Variants in SPECC1 observed in about 807,000 individuals in gnomAD.
SPECC1 encodes cytospin-B.
SPECC1 carries 62 observed loss-of-function variants against 104.1 expected under a neutral mutation model. The ratio of observed to expected loss-of-function variants is 0.60; its 90% CI spans 0.49 to 0.74. The LOEUF (loss-of-function observed/expected upper bound fraction) is 0.74, where lower values mean the gene tolerates loss of function less well. SPECC1 is among the 30% of genes least tolerant of loss of function. The pLI is 0.00. For missense variants in SPECC1, 1,306 were observed against 1,310.5 expected, an observed-to-expected ratio of 1.00 and a Z score of 0.05; for synonymous variants, 513 against 501.6, an observed-to-expected ratio of 1.02 and a Z score of -0.30.
At chr17:20,095,250 C>A (rs1034296125) in intron 1 of SPECC1, among the ~76,000 whole-genome samples, 5 of 152,128 alleles carry the variant, frequency 3.3e-5, no homozygotes, top group African/African-American at 1.2e-4. Context: ...TTTCTGTAAT[C>A]CAGAATTTTA....
At chr17:20,141,082 C>T (rs1168557103) in intron 3 of SPECC1, among the ~76,000 whole-genome samples, 1 of 152,226 alleles carries the variant, frequency 6.6e-6, no homozygotes, top group African/African-American at 2.4e-5. Context: ...CTTCTCTCCT[C>T]CTGCCACTGC....
At chr17:20,210,457 C>T (rs956258590) in intron 4 of SPECC1, among the ~76,000 whole-genome samples, 7 of 152,178 alleles carry the variant, frequency 4.6e-5, no homozygotes, top group African/African-American at 1.2e-4. Context: ...CACCTGTTGG[C>T]GACTTGGGGC....
At chr17:20,160,168 C>T (rs1440486584) in intron 3 of SPECC1, among the ~76,000 whole-genome samples, 1 of 152,204 alleles carries the variant, frequency 6.6e-6, no homozygotes, top group Admixed American at 6.5e-5. Flanking sequence ...ACTGTGGTTA[C>T]AGATAAATTC....
At chr17:20,134,447 G>A (rs2049820497) in intron 3 of SPECC1, among the ~76,000 whole-genome samples, 2 of 150,666 alleles carry the variant, frequency 1.3e-5, no homozygotes, top group Non-Finnish European at 2.9e-5. Context: ...CAGCTCCCAT[G>A]CTGACCCCTT....
chr17:20,050,906 T>G (rs1427697874), intron 1 of SPECC1, among the ~76,000 whole-genome samples: 1 of 152,216 alleles, frequency 6.6e-6, no homozygotes, highest in African/African-American at 2.4e-5. Flanking sequence ...CATGAGCTGG[T>G]AAAGAGGAAC....
chr17:20,080,502 A>C (rs971899655), intron 1 of SPECC1, among the ~76,000 whole-genome samples: 2 of 152,062 alleles, frequency 1.3e-5, no homozygotes, highest in African/African-American at 4.8e-5. Context: ...CCTTATAACG[A>C]GAAGAGCCAC....
intron 14 of SPECC1, among the ~76,000 whole-genome samples, chr17:20,306,416 A>G (rs2041765674): frequency 6.6e-6 from 1 of 152,246 alleles, no homozygotes; most frequent in Admixed American, 6.5e-5. Context: ...CTTAATAAAG[A>G]ATGGGAAATA....
intron 1 of SPECC1, among the ~76,000 whole-genome samples, chr17:20,014,666 G>A (rs1056344619): frequency 6.6e-6 from 1 of 151,998 alleles, no homozygotes; most frequent in African/African-American, 2.4e-5. Context: ...TCTGACTCTC[G>A]TTTCTTTGTA....
chr17:20,232,866 A>G (rs1329312048), intron 7 of SPECC1, among the ~76,000 whole-genome samples: 1 of 152,132 alleles, frequency 6.6e-6, no homozygotes, highest in Non-Finnish European at 1.5e-5. Flanking sequence ...TATTGAGAAC[A>G]CCCATGAGCT....
At chr17:20,128,524 G>A (rs757372502) in intron 3 of SPECC1, among the ~76,000 whole-genome samples, 27 of 152,142 alleles carry the variant, frequency 1.8e-4, no homozygotes, top group African/African-American at 6.0e-4. Flanking sequence ...AGAGTGCAGC[G>A]GGGGCCATCT....
At chr17:20,182,454 C>T (rs2034974839) in intron 3 of SPECC1, among the ~76,000 whole-genome samples, 2 of 152,012 alleles carry the variant, frequency 1.3e-5, no homozygotes, top group Admixed American at 6.6e-5. Context: ...TAGAGGCCAC[C>T]GGACAGAATC....
At chr17:20,050,265 G>A (rs946268469) in intron 1 of SPECC1, among the ~76,000 whole-genome samples, 3 of 151,970 alleles carry the variant, frequency 2.0e-5, no homozygotes, top group Non-Finnish European at 4.4e-5. Flanking sequence ...GTTACTCCTG[G>A]TGTTAGGAGT....
chr17:20,016,968 A>T (rs1487089472), intron 1 of SPECC1, among the ~76,000 whole-genome samples: 1 of 152,220 alleles, frequency 6.6e-6, no homozygotes, highest in African/African-American at 2.4e-5. Context: ...TGTCTAGCTC[A>T]GGGATTGTAA....
At chr17:20,150,952 A>G (rs1425051543) in intron 3 of SPECC1, among the ~76,000 whole-genome samples, 3 of 152,168 alleles carry the variant, frequency 2.0e-5, no homozygotes, top group Non-Finnish European at 4.4e-5. Flanking sequence ...GACCACATAT[A>G]TATTATTTTA....
Position 20,207,842 on chromosome 17 carries a change from A to G in SPECC1, c.1863+1930A>G, listed in dbSNP as rs796974319. Among the ~76,000 whole-genome samples the G allele has an allele frequency of 1.1e-4, 17 of 152,294 alleles. 1 individual carries two copies. In the South Asian group the frequency reaches 3.5e-3, roughly 32 times the overall value. Reference sequence around the variant, plus strand: ...GTATGTCTGTCCACATTCCATTACAAAGAATCAGTTGGATTAGTTTATCTA... The same window carrying G: ...GTATGTCTGTCCACATTCCATTACAGAGAATCAGTTGGATTAGTTTATCTA... On this transcript the variant is annotated intron_variant, in intron 4 of 14. Transcript: ENST00000395527.
intron 1 of SPECC1, among the ~76,000 whole-genome samples, chr17:20,049,786 C>T (rs1423316460): frequency 6.6e-6 from 1 of 151,808 alleles, no homozygotes; most frequent in Non-Finnish European, 1.5e-5. Flanking sequence ...GCTAATTATA[C>T]TATTTTCATT....
At chr17:20,139,230 A>C (rs758518024) in intron 3 of SPECC1, among the ~76,000 whole-genome samples, 2 of 152,218 alleles carry the variant, frequency 1.3e-5, no homozygotes, top group Non-Finnish European at 2.9e-5. Flanking sequence ...TTTGGGTTAC[A>C]AGATAGACAG....
intron 5 of SPECC1, among the ~76,000 whole-genome samples, chr17:20,228,365 T>C (rs2038364873): frequency 6.6e-6 from 1 of 152,152 alleles, no homozygotes; most frequent in Non-Finnish European, 1.5e-5. Context: ...AAATGTTTTT[T>C]GGCTGTGCTG....
chr17:20,276,895 G>C (rs1156493923), intron 12 of SPECC1, among the ~76,000 whole-genome samples: 1 of 152,216 alleles, frequency 6.6e-6, no homozygotes, highest in Non-Finnish European at 1.5e-5. Flanking sequence ...GCTCTTGCCA[G>C]GGCTGCTTTC....
Sources: allele counts gnomAD v4.1 joint callset (sites outside exome capture counted in the v4.1 genomes callset), GRCh38; gene constraint gnomAD v4.1.1; transcripts MANE v1.5; gene names NCBI Gene and HGNC (gene_info 2026-07-23, HGNC 2026-07-21).